GAP43: variants seen among roughly 807,000 people sequenced by gnomAD.
GAP43 encodes growth associated protein 43.
A neutral mutation model predicts 18.6 loss-of-function variants in GAP43; 6 were observed. The ratio of observed to expected loss-of-function variants is 0.32; its 90% CI spans 0.18 to 0.64. The LOEUF (loss-of-function observed/expected upper bound fraction) is 0.64. Among genes scored for constraint, GAP43 ranks in the 30% least tolerant of loss-of-function variants. GAP43 has a pLI of 0.78. For missense variants in GAP43, 292 were observed against 295.5 expected, an observed-to-expected ratio of 0.99 and a Z score of 0.09; for synonymous variants, 115 against 111.4, an observed-to-expected ratio of 1.03 and a Z score of -0.20.
At chr3:115,652,356 CTTTTTTTTTTTTTTTTTTTT>C (rs71141831) in intron 1 of GAP43, among the ~76,000 whole-genome samples, 1 of 43,768 alleles carries the variant, frequency 2.3e-5, no homozygotes. Flanking sequence ...ATCCAGCATT[CTTTTTTTTTTTTTTTTTTTT>C]TTTTTTTTTG....
At chr3:115,668,454 C>T (rs1249884622) in intron 1 of GAP43, among the ~76,000 whole-genome samples, 4 of 152,076 alleles carry the variant, frequency 2.6e-5, no homozygotes, top group Non-Finnish European at 4.4e-5. Context: ...GACGGAGTTT[C>T]GCTCTTGTTG....
chr3:115,647,169 C>A (rs1359349753), intron 1 of GAP43, among the ~76,000 whole-genome samples: 2 of 89,346 alleles, frequency 2.2e-5, no homozygotes, highest in African/African-American at 3.8e-5. Flanking sequence ...TAAAGAGACC[C>A]CATAGAGCTT....
intron 1 of GAP43, among the ~76,000 whole-genome samples, chr3:115,631,787 A>G (rs1336758333): frequency 2.0e-5 from 3 of 152,060 alleles, no homozygotes; most frequent in Non-Finnish European, 4.4e-5. Context: ...CGCCTGGCTC[A>G]CTTTTGAATT....
rs140066205 is a variant in GAP43, at chr3:115,672,456, C to T, written c.31-3557C>T. Among the ~76,000 whole-genome samples the T allele has an allele frequency of 2.1e-3, 323 of 152,266 alleles. 1 individual carries two copies. Among genetic ancestry groups the T allele is most frequent in the African/African-American group, 5.8e-3 (241 of 41,554 alleles). ...TTAACAAAATACACAACAAAATACACTCCCAGTCCACTTACTTTTATACTG... is the reference window on the plus strand; with the variant it reads ...TTAACAAAATACACAACAAAATACATTCCCAGTCCACTTACTTTTATACTG... On this transcript the variant is annotated intron_variant, in intron 1 of 2. Coordinates refer to ENST00000305124, the MANE Select transcript of GAP43 (RefSeq NM_002045.4).
chr3:115,680,538 A>G (rs751941592), intron 2 of GAP43, among the ~76,000 whole-genome samples: 2 of 152,192 alleles, frequency 1.3e-5, no homozygotes, highest in Non-Finnish European at 2.9e-5. Flanking sequence ...TGGGGGTAGT[A>G]TGAAATTCAG....
chr3:115,690,127 C>G (rs777234185), intron 2 of GAP43, among the ~76,000 whole-genome samples: 2 of 152,242 alleles, frequency 1.3e-5, no homozygotes, highest in Non-Finnish European at 2.9e-5. Context: ...GCTTCACAAA[C>G]AGCAGGCCCT....
At chr3:115,669,710 A>G (rs1708786085) in intron 1 of GAP43, among the ~76,000 whole-genome samples, 1 of 152,214 alleles carries the variant, frequency 6.6e-6, no homozygotes. Context: ...TTTTGGAAGC[A>G]GGTGGGCTGT....
intron 2 of GAP43, among the ~76,000 whole-genome samples, chr3:115,704,553 C>T (rs1462668624): frequency 6.6e-6 from 1 of 151,992 alleles, no homozygotes; most frequent in Non-Finnish European, 1.5e-5. Flanking sequence ...CTGCAAGCCT[C>T]CAGAGTATCT....
At chr3:115,680,005 C>G (rs898244711) in intron 2 of GAP43, among the ~76,000 whole-genome samples, 1 of 152,122 alleles carries the variant, frequency 6.6e-6, no homozygotes, top group Non-Finnish European at 1.5e-5. Context: ...GAAAAATTAA[C>G]TTAGTGTCTC....
chr3:115,652,687 C>T (rs893314818), intron 1 of GAP43, among the ~76,000 whole-genome samples: 1 of 152,024 alleles, frequency 6.6e-6, no homozygotes, highest in Admixed American at 6.6e-5. Flanking sequence ...CACCCAGCCG[C>T]CTATGCAGTG....
intron 2 of GAP43, among the ~76,000 whole-genome samples, chr3:115,715,953 C>A (rs925534719): frequency 6.6e-6 from 1 of 152,182 alleles, no homozygotes; most frequent in Non-Finnish European, 1.5e-5. Context: ...ACCATTCAGT[C>A]TCCCTGTGTT....
At chr3:115,704,192 C>T (rs1559805925) in intron 2 of GAP43, among the ~76,000 whole-genome samples, 1 of 152,056 alleles carries the variant, frequency 6.6e-6, no homozygotes, top group Non-Finnish European at 1.5e-5. Context: ...TAAATCTTCA[C>T]AGTTGGCTTT....
intron 2 of GAP43, among the ~76,000 whole-genome samples, chr3:115,695,623 G>A (rs916040607): frequency 6.6e-6 from 1 of 152,108 alleles, no homozygotes; most frequent in Non-Finnish European, 1.5e-5. Flanking sequence ...TCAAAGTCAG[G>A]CAGTCTAGCT....
At chr3:115,685,809 T>A (rs977382585) in intron 2 of GAP43, among the ~76,000 whole-genome samples, 1 of 152,196 alleles carries the variant, frequency 6.6e-6, no homozygotes, top group African/African-American at 2.4e-5. Context: ...GGTGGAAGAT[T>A]TTTTTTATTT....
intron 2 of GAP43, among the ~76,000 whole-genome samples, chr3:115,681,468 C>T (rs1576992600): frequency 6.6e-6 from 1 of 152,056 alleles, no homozygotes; most frequent in East Asian, 1.9e-4. Context: ...CAACCAGGAC[C>T]TTACTAGGAT....
intron 1 of GAP43, among the ~76,000 whole-genome samples, chr3:115,674,104 G>T (rs947101539): frequency 6.6e-6 from 1 of 152,200 alleles, no homozygotes; most frequent in African/African-American, 2.4e-5. Context: ...AACTTGTCCT[G>T]AGTAGTTCTG....
intron 2 of GAP43, among the ~76,000 whole-genome samples, chr3:115,685,666 A>C (rs531841628): frequency 6.6e-6 from 1 of 152,334 alleles, no homozygotes; most frequent in African/African-American, 2.4e-5. Context: ...TGTATTTGGT[A>C]AAAAGACAGA....
At chr3:115,694,486 T>C (rs561563249) in intron 2 of GAP43, among the ~76,000 whole-genome samples, 3 of 152,344 alleles carry the variant, frequency 2.0e-5, no homozygotes, top group African/African-American at 7.2e-5. Context: ...ATAATACCGA[T>C]GATGATCAAA....
At position 115,676,431 on chromosome 3, in the gene GAP43, A is replaced by G. The variant is rs1484772021; in HGVS notation, c.449A>G (p.Asn150Ser). The G allele has an allele frequency of 5.6e-6, 9 of 1,613,744 alleles. No individual in the cohort carries two copies. The highest frequency in any genetic ancestry group is 7.6e-6 in the Non-Finnish European group (9 of 1,179,910). ...TESATKASTD[N>S]SPSSKAEDAP... is the part of the protein sequence containing the mutation. ...AGTGCCACTAAAGCTTCCACTGATA[A>G]CTCGCCGTCCTCCAAGGCTGAAGAT... The change falls in exon 2 of 3, where the codon AAC (asparagine) becomes AGC (serine). Residue 150 changes from asparagine to serine, a missense_variant. Asn to Ser is a conservative substitution (Grantham distance 46, BLOSUM62 1). Coordinates refer to ENST00000305124, the MANE Select transcript of GAP43 (RefSeq NM_002045.4).
Sources: allele counts gnomAD v4.1 joint callset (sites outside exome capture counted in the v4.1 genomes callset), GRCh38; gene constraint gnomAD v4.1.1; transcripts MANE v1.5; gene names NCBI Gene and HGNC (gene_info 2026-07-23, HGNC 2026-07-21).